Variants in SSH1 observed in about 807,000 individuals in gnomAD.
SSH1 encodes protein phosphatase Slingshot homolog 1.
A neutral mutation model predicts 79.7 loss-of-function variants in SSH1; 43 were observed. The ratio of observed to expected loss-of-function variants is 0.54; its 90% CI spans 0.42 to 0.70. The LOEUF (loss-of-function observed/expected upper bound fraction) is 0.70. SSH1 is among the 30% of genes least tolerant of loss of function. The probability of loss-of-function intolerance (pLI) is 0.00; values close to 1 mark genes in which losing one functional copy is unlikely to be tolerated. For missense variants in SSH1, 1,206 were observed against 1,358.8 expected (o/e 0.89, Z 1.77); for synonymous variants, 599 against 538.3 (o/e 1.11, Z -1.56).
chr12:108,857,474 C>A lies in SSH1; in HGVS notation c.23G>T (p.Arg8Leu). 8.8e-7 allele frequency: 1 copy of A among 1,135,176 alleles called. No homozygotes were observed. Among genetic ancestry groups the A allele is most frequent in the Non-Finnish European group, 1.1e-6 (1 of 906,566 alleles). The allele number at this position is 1,135,176 out of a possible 1,614,324, so 70.3% of individuals were successfully genotyped here. The change falls in exon 1 of 15, where the codon CGC becomes CTC. Residue 8 changes from arginine (R) to leucine (L), a missense_variant. Coordinates refer to ENST00000326495, the MANE Select transcript of SSH1 (RefSeq NM_018984.4). This position sits in a 1 kb window ranked among gnomAD's most constrained non-coding sequence, Gnocchi z 4.7. MALVTLQ[R>L]SPTPSAASSS... is the part of the protein sequence containing the mutation. ...GGAGGCGGCGCTGGGCGTGGGCGAG[C>A]GCTGCAGGGTCACCAGGGCCATGGC...
At chr12:108,823,435 G>C in intron 2 of SSH1, 74 bp from the exon 3 acceptor site, 1 of 1,285,554 alleles carries the variant, frequency 7.8e-7, no homozygotes, top group Non-Finnish European at 1.1e-6. Flanking sequence ...TACTGCAGGG[G>C]AAAAAGCTTT....
intron 2 of SSH1, chr12:108,827,635 C>T (rs2137212022): frequency 2.7e-6 from 3 of 1,095,168 alleles, no homozygotes; most frequent in Non-Finnish European, 3.4e-6. Context: ...CTCCTACGGG[C>T]TTTTCTGTAG....
At chr12:108,852,882 A>G (rs1163932605) in intron 1 of SSH1, 9 of 985,254 alleles carry the variant, frequency 9.1e-6, no homozygotes, top group Non-Finnish European at 8.4e-6. Context: ...CAGGTTTCCA[A>G]ATGTTGACCC....
At position 108,792,677 on chromosome 12, in the gene SSH1, G is replaced by T; in HGVS notation, c.1502C>A (p.Pro501His). ...QLPFLDDAAQ[P>H]GLGPPLPCCF... Reference sequence around the variant, plus strand: ...GCAGGGGAGGGGGGGCCCTAAGCCGGGCTGGGCGGCATCATCCAAGAAGGG... The same window carrying T: ...GCAGGGGAGGGGGGGCCCTAAGCCGTGCTGGGCGGCATCATCCAAGAAGGG... The change falls in exon 14 of 15, where the codon CCC (proline) becomes CAC (histidine). Residue 501 changes from proline to histidine, a missense_variant. Transcript: ENST00000326495. The T allele has an allele frequency of 6.2e-7, 1 of 1,612,492 alleles. No individual in the cohort carries two copies. Among genetic ancestry groups the T allele is most frequent in the Non-Finnish European group, 8.5e-7 (1 of 1,180,010 alleles).
intron 14 of SSH1, chr12:108,791,923 G>C (rs1241581005): frequency 7.6e-7 from 1 of 1,311,002 alleles, no homozygotes; most frequent in African/African-American, 1.5e-5. Context: ...AAAGGCTGAA[G>C]TTGGCTGATA....
chr12:108,831,061 G>A (rs1264780576), intron 2 of SSH1, among the ~76,000 whole-genome samples: 1 of 152,196 alleles, frequency 6.6e-6, no homozygotes, highest in Non-Finnish European at 1.5e-5. Flanking sequence ...ACTAATTTAT[G>A]CCTAAGGAAA....
At chr12:108,852,545 C>A in intron 2 of SSH1, 93 bp downstream of exon 2, 1 of 1,545,156 alleles carries the variant, frequency 6.5e-7, no homozygotes, top group Non-Finnish European at 8.9e-7. Flanking sequence ...TTGGCATATT[C>A]TTTTTGAACG....
intron 2 of SSH1, among the ~76,000 whole-genome samples, chr12:108,840,303 G>T (rs1156920406): frequency 6.6e-6 from 1 of 152,034 alleles, no homozygotes; most frequent in Non-Finnish European, 1.5e-5. Context: ...AGGCCGAGGT[G>T]GTTGGATTGC....
At position 108,787,311 on chromosome 12, in the gene SSH1, G is replaced by A. The variant is rs557489096; in HGVS notation, c.*677C>T. On this transcript the variant is annotated 3_prime_UTR_variant, in exon 15 of 15. Coordinates refer to ENST00000326495, the MANE Select transcript of SSH1 (RefSeq NM_018984.4). The stretch of plus-strand genomic sequence containing the variant: ...CACGTAACAACACAACCAGGACAGG[G>A]CGCCTGCACCACCATTCGGGCACAG... 2.6e-5 allele frequency: 4 copies of A among 152,870 alleles called. No homozygotes were observed. The highest frequency in any genetic ancestry group is 9.7e-5 in the African/African-American group (4 of 41,416). The allele number at this position is 152,870 out of a possible 1,614,324, so 9.5% of individuals were successfully genotyped here.
At chr12:108,800,682 C>T in intron 12 of SSH1, 98 bp downstream of exon 12, 1 of 1,493,426 alleles carries the variant, frequency 6.7e-7, no homozygotes, top group Non-Finnish European at 9.3e-7. Flanking sequence ...ATCCCCCCTC[C>T]CACCAGCCGA....
rs1010463765 is a variant in SSH1, at chr12:108,813,554, T to A, written c.402-2226A>T. 1.3e-4 allele frequency among the ~76,000 whole-genome samples: 20 copies of A among 148,664 alleles called. No homozygotes were observed. The South Asian group carries it at 1.9e-3, about 14-fold the overall frequency. ...TAGTGATTTTTTTAAAAATTATATA[T>A]AAAAAAAAATTAGCTGGGAATGGTG... On this transcript the variant is annotated intron_variant, in intron 5 of 14. Transcript: ENST00000326495.
intron 12 of SSH1, 77 bp downstream of exon 12, chr12:108,800,703 T>C (rs1274972566): frequency 5.7e-6 from 9 of 1,582,160 alleles, no homozygotes; most frequent in Non-Finnish European, 7.8e-6. Flanking sequence ...CTTCTGCATC[T>C]GCAGTCTCGT....
In SSH1 at chr12:108,793,962, T is replaced by C. The variant is rs75579826; in HGVS notation, c.1350-1133A>G. Among the ~76,000 whole-genome samples, 1,521 of 152,282 alleles carry C rather than the reference T, an allele frequency of 1.0e-2. 23 individuals carry two copies. Among genetic ancestry groups the C allele is most frequent in the African/African-American group, 0.034 (1,395 of 41,530 alleles). On this transcript the variant is annotated intron_variant, in intron 13 of 14. Transcript: ENST00000326495. The stretch of plus-strand genomic sequence containing the variant: ...GCCTGGCTTAGGCTGCAGAGGGCAC[T>C]GAGTGCGTGGCAGGCTCAGGGAGAG...
chr12:108,846,331 C>T (rs2038899200), intron 2 of SSH1, among the ~76,000 whole-genome samples: 1 of 152,200 alleles, frequency 6.6e-6, no homozygotes, highest in African/African-American at 2.4e-5. Flanking sequence ...GATCCACACC[C>T]TGGGGACAAT....
intron 3 of SSH1, among the ~76,000 whole-genome samples, 197 bp from the exon 4 acceptor site, chr12:108,818,510 T>C (rs886831542): frequency 1.3e-5 from 2 of 152,242 alleles, no homozygotes; most frequent in Non-Finnish European, 2.9e-5. Flanking sequence ...GCGACGTGGA[T>C]GGGTGACATG....
At chr12:108,843,755 A>G (rs920525366) in intron 2 of SSH1, among the ~76,000 whole-genome samples, 1 of 152,048 alleles carries the variant, frequency 6.6e-6, no homozygotes, top group South Asian at 2.1e-4. Flanking sequence ...GGATGGTCTC[A>G]AACTCCTGAC....
intron 10 of SSH1, among the ~76,000 whole-genome samples, chr12:108,804,849 C>T (rs1474558051): frequency 6.6e-6 from 1 of 152,198 alleles, no homozygotes; most frequent in African/African-American, 2.4e-5. Flanking sequence ...CTGGAAGCCA[C>T]GTCTCAAACA....
At position 108,817,168 on chromosome 12, in the gene SSH1, G is replaced by A. The variant is rs548776940; in HGVS notation, c.280-9C>T. ...CTCTCCAGGCGCACTGCCTGGAACA[G>A]GGCAGACATGCTCTCACTAACCTGC... On this transcript the variant is annotated splice_polypyrimidine_tract_variant and intron_variant, in intron 4 of 14. Coordinates refer to ENST00000326495, the MANE Select transcript of SSH1 (RefSeq NM_018984.4). The A allele has an allele frequency of 6.2e-7, 1 of 1,613,458 alleles. No homozygotes were observed.
At chr12:108,818,817 G>A (rs148997358) in intron 3 of SSH1, among the ~76,000 whole-genome samples, 27 of 152,200 alleles carry the variant, frequency 1.8e-4, no homozygotes, top group Admixed American at 5.9e-4. Flanking sequence ...GCAGTGGTAC[G>A]ATCTCAGCTC....
Sources: allele counts gnomAD v4.1 joint callset (sites outside exome capture counted in the v4.1 genomes callset), GRCh38; gene constraint gnomAD v4.1.1; non-coding constraint Gnocchi (gnomAD v3.1); transcripts MANE v1.5; gene names NCBI Gene and HGNC (gene_info 2026-07-23, HGNC 2026-07-21).